Variants in ANAPC1 observed in about 807,000 individuals in gnomAD.
ANAPC1 encodes the protein anaphase-promoting complex subunit 1.
ANAPC1 carries 36 observed loss-of-function variants against 208.0 expected under a neutral mutation model. The observed-to-expected ratio is 0.17, with a 90% confidence interval of 0.13 to 0.23. The LOEUF (loss-of-function observed/expected upper bound fraction) is 0.23, where lower values mean the gene tolerates loss of function less well. ANAPC1 is among the 10% of genes least tolerant of loss of function. The pLI, the probability that ANAPC1 is intolerant of heterozygous loss-of-function variation, is 1.00. For missense variants in ANAPC1, 942 were observed against 2,011.6 expected (o/e 0.47, Z 10.17); for synonymous variants, 378 against 695.2 (o/e 0.54, Z 7.18).
At chr2:111,783,360 TAGTG>T (rs1296025576) in intron 42 of ANAPC1, among the ~76,000 whole-genome samples, 29 of 152,278 alleles carry the variant, frequency 1.9e-4, no homozygotes, top group African/African-American at 6.3e-4. Context: ...GTTCTCATGA[TAGTG>T]AGTGAGTTCT....
intron 34 of ANAPC1, among the ~76,000 whole-genome samples, chr2:111,798,702 T>C (rs1161813446): frequency 6.6e-6 from 1 of 152,008 alleles, no homozygotes; most frequent in Non-Finnish European, 1.5e-5. Context: ...ACTAAGAAAA[T>C]GAATATGCAA....
chr2:111,875,129 G>T lies in ANAPC1; in HGVS notation c.376-1465C>A, dbSNP rs148435201. ...TAATAACAGCCAACCTAGTAAAGTG[G>T]TATCTCATTGTGGTTGTAATCTGCA... On this transcript the variant is annotated intron_variant, in intron 3 of 47. Transcript: ENST00000341068. Among the ~76,000 whole-genome samples, 1,353 of 152,318 alleles carry T rather than the reference G, an allele frequency of 8.9e-3. 13 individuals are homozygous for T. The highest frequency in any genetic ancestry group is 0.012 in the Non-Finnish European group (796 of 68,036).
intron 3 of ANAPC1, among the ~76,000 whole-genome samples, 195 bp downstream of exon 3, chr2:111,878,615 A>G (rs56306347): frequency 5.9e-5 from 9 of 152,374 alleles, no homozygotes; most frequent in East Asian, 1.9e-4. Flanking sequence ...GTGTAAAAAA[A>G]GTGATGATAT....
At chr2:111,847,019 T>A (rs1681128260) in intron 16 of ANAPC1, 119 bp downstream of exon 16, 4 of 794,600 alleles carry the variant, frequency 5.0e-6, no homozygotes, top group Non-Finnish European at 8.2e-6. Context: ...AAAGCTCCTC[T>A]ACAAAGCTAA....
At chr2:111,829,445 A>C (rs1288191194) in intron 21 of ANAPC1, among the ~76,000 whole-genome samples, 3 of 152,134 alleles carry the variant, frequency 2.0e-5, no homozygotes, top group Non-Finnish European at 4.4e-5. Context: ...GAGAGAAGGG[A>C]CAAAAGCATA....
Position 111,847,680 on chromosome 2 carries a change from A to C in ANAPC1, c.1791+45T>G, listed in dbSNP as rs376345684. 1.8e-5 allele frequency: 24 copies of C among 1,344,080 alleles called. No homozygotes were observed. In the African/African-American group the frequency reaches 3.6e-4, roughly 20 times the overall value. The allele number at this position is 1,344,080 out of a possible 1,614,324, so 83.3% of individuals were successfully genotyped here. A position where few individuals can be genotyped will look rare whatever the true frequency, so the allele number is the denominator to read the frequency against. ...AAATTCTGTATTCTGTCAAATTTGA[A>C]ATGCCAGCCCACTTCTTGGAAAGCT... On this transcript the variant is annotated intron_variant, in intron 15 of 47. Transcript: ENST00000341068.
chr2:111,816,278 A>C (rs187534020), intron 27 of ANAPC1, among the ~76,000 whole-genome samples: 3 of 149,060 alleles, frequency 2.0e-5, no homozygotes, highest in African/African-American at 5.2e-5. Flanking sequence ...AAGAAAAAAA[A>C]AAAAGGAAAC....
chr2:111,866,859 C>T (rs4848819), intron 7 of ANAPC1, among the ~76,000 whole-genome samples: 87,820 of 150,120 alleles, frequency 0.58, 26,467 homozygotes, highest in South Asian at 0.69. Flanking sequence ...TATGTTTATT[C>T]GGGTTGTCTG....
intron 3 of ANAPC1, among the ~76,000 whole-genome samples, chr2:111,876,736 T>G (rs1683042992): frequency 6.6e-6 from 1 of 152,186 alleles, no homozygotes; most frequent in Non-Finnish European, 1.5e-5. Context: ...ATAAATAGAA[T>G]ACAGTACTCA....
At chr2:111,876,919 A>C (rs1348322631) in intron 3 of ANAPC1, among the ~76,000 whole-genome samples, 2 of 152,160 alleles carry the variant, frequency 1.3e-5, no homozygotes, top group Admixed American at 1.3e-4. Flanking sequence ...TTTGTTATAA[A>C]AATTTTCAGT....
At chr2:111,848,533 T>C (rs1573455854) in intron 14 of ANAPC1, among the ~76,000 whole-genome samples, 1 of 151,920 alleles carries the variant, frequency 6.6e-6, no homozygotes, top group Non-Finnish European at 1.5e-5. Flanking sequence ...TCCCAGCACC[T>C]TGGGAGGCTG....
chr2:111,837,047 TA>T (rs77824420), intron 18 of ANAPC1, among the ~76,000 whole-genome samples: 251 of 144,266 alleles, frequency 1.7e-3, no homozygotes, highest in Admixed American at 2.4e-3. Flanking sequence ...CATAAGACTT[TA>T]AAAAAAAAAA....
chr2:111,873,487 T>G, intron 4 of ANAPC1, 79 bp from the exon 5 acceptor site: 1 of 1,532,308 alleles, frequency 6.5e-7, no homozygotes, highest in Non-Finnish European at 8.8e-7. Flanking sequence ...AATTATTTAA[T>G]GCACAATATA....
At chr2:111,785,247 A>G in intron 40 of ANAPC1, 113 bp downstream of exon 40, 2 of 547,206 alleles carry the variant, frequency 3.7e-6, no homozygotes, top group Middle Eastern at 5.3e-4. Context: ...CATTTTTATG[A>G]AAGTTCAATT....
intron 18 of ANAPC1, among the ~76,000 whole-genome samples, chr2:111,835,591 C>T (rs915963386): frequency 6.6e-6 from 1 of 152,148 alleles, no homozygotes; most frequent in Non-Finnish European, 1.5e-5. Context: ...GTAATCCCAG[C>T]ACTTTGGGAG....
intron 10 of ANAPC1, 109 bp downstream of exon 10, chr2:111,862,280 A>T (rs1573487732): frequency 3.0e-6 from 3 of 1,009,838 alleles, no homozygotes; most frequent in Non-Finnish European, 4.1e-6. Context: ...ATATTTTTAC[A>T]TATATTAATA....
At position 111,794,708 on chromosome 2, in the gene ANAPC1, TG is replaced by T; in HGVS notation, c.4373+109del. The stretch of plus-strand genomic sequence containing the variant: ...CTGATAAATAATGGTTAGAAATATG[TG>T]GGATTCATAATTACTTAAATCAAGG... On this transcript the variant is annotated intron_variant, in intron 35 of 47. Coordinates refer to ENST00000341068, the MANE Select transcript of ANAPC1 (RefSeq NM_022662.4). 3 of 1,367,440 alleles carry T rather than the reference TG, an allele frequency of 2.2e-6. No homozygotes were observed. In the South Asian group the frequency reaches 3.8e-5, roughly 17 times the overall value. The allele number at this position is 1,367,440 out of a possible 1,614,324, so 84.7% of individuals were successfully genotyped here.
intron 3 of ANAPC1, among the ~76,000 whole-genome samples, chr2:111,878,263 A>G (rs925932618): frequency 6.6e-6 from 1 of 152,264 alleles, no homozygotes; most frequent in East Asian, 1.9e-4. Context: ...ATTAGCTAGC[A>G]TTCTTCTCTA....
At position 111,788,335 on chromosome 2, in the gene ANAPC1, C is replaced by A. The variant is rs527774136; in HGVS notation, c.4713-15G>T. On this transcript the variant is annotated splice_polypyrimidine_tract_variant and intron_variant, in intron 38 of 47. Coordinates refer to ENST00000341068, the MANE Select transcript of ANAPC1 (RefSeq NM_022662.4). ...TCAAAGAGTACCTGCAAAGTAAGTT[C>A]GGTGGGGACAGATGTTATTGATTAT... 2 of 1,613,320 alleles carry A rather than the reference C, an allele frequency of 1.2e-6. No homozygotes were observed. The highest frequency in any genetic ancestry group is 1.7e-6 in the Non-Finnish European group (2 of 1,179,470).
Sources: gnomAD v4.1 joint callset for allele counts (sites outside exome capture counted in the v4.1 genomes callset) on GRCh38, gnomAD v4.1.1 for gene constraint, MANE v1.5 for transcripts, NCBI Gene and HGNC (gene_info 2026-07-23, HGNC 2026-07-21) for gene names.